NHEJ1: variants seen among roughly 807,000 people sequenced by gnomAD.
NHEJ1 encodes non-homologous end-joining factor 1.
A neutral mutation model predicts 39.4 loss-of-function variants in NHEJ1; 22 were observed. The ratio of observed to expected loss-of-function variants is 0.56; its 90% CI spans 0.40 to 0.80. The LOEUF is 0.80. Among genes scored for constraint, NHEJ1 ranks in the 30% least tolerant of loss-of-function variants. The pLI, the probability that NHEJ1 is intolerant of heterozygous loss-of-function variation, is 0.00. For synonymous variants in NHEJ1, 154 were observed against 135.6 expected, an observed-to-expected ratio of 1.14 and a Z score of -0.94; for missense variants, 329 against 357.1, an observed-to-expected ratio of 0.92 and a Z score of 0.63.
At chr2:219,136,279 T>A (rs1054812109) in intron 5 of NHEJ1, among the ~76,000 whole-genome samples, 2 of 137,596 alleles carry the variant, frequency 1.5e-5, no homozygotes, top group African/African-American at 5.4e-5. Context: ...GTATTCCCAC[T>A]TGGTTTCTTT....
In NHEJ1 at chr2:219,114,353, T is replaced by C. The variant is rs1312627951; in HGVS notation, c.588+32327A>G. On this transcript the variant is annotated intron_variant, in intron 5 of 7. Coordinates refer to ENST00000356853, the MANE Select transcript of NHEJ1 (RefSeq NM_024782.3). ...TGTTTGTTTCAGTGATCTCATAATC[T>C]CTCCTAGCCAAACTTGTATATCAAT... is the stretch of plus-strand genomic sequence containing the variant. Among the ~76,000 whole-genome samples the C allele has an allele frequency of 4.6e-5, 7 of 152,272 alleles. No homozygotes were observed. The East Asian group carries it at 1.4e-3, about 29-fold the overall frequency.
rs1211865700 is a variant in NHEJ1 at position 219,070,122 on chromosome 2, G to A, written c.*6259C>T. On this transcript the variant is annotated 3_prime_UTR_variant, in exon 8 of 8. Transcript: ENST00000356853. The stretch of plus-strand genomic sequence containing the variant: ...GCCACAAACTGCCTGTGTTCAATAA[G>A]CCCACAATCTGCCACAGCCTCCGGA... Among the ~76,000 whole-genome samples, 2 of 152,178 alleles carry A rather than the reference G, an allele frequency of 1.3e-5. No homozygotes were observed. The highest frequency in any genetic ancestry group is 2.9e-5 in the Non-Finnish European group (2 of 68,026).
intron 3 of NHEJ1, among the ~76,000 whole-genome samples, chr2:219,152,114 G>A (rs1949801930): frequency 2.6e-5 from 4 of 152,178 alleles, no homozygotes; most frequent in Admixed American, 1.3e-4. Flanking sequence ...CAGTTCATCA[G>A]TCAATTCAAC....
In NHEJ1 at chr2:219,097,701, T is replaced by C. The variant is rs548238666; in HGVS notation, c.589-19495A>G. 3.9e-5 allele frequency among the ~76,000 whole-genome samples: 6 copies of C among 152,116 alleles called. 1 individual carries two copies. The South Asian group carries it at 1.2e-3, about 32-fold the overall frequency. ...GGGGTTGGGGGTAGGGGAGAAGAAA[T>C]GAGAAGTTCAATATGAATATGTTGA... On this transcript the variant is annotated intron_variant, in intron 5 of 7. Coordinates refer to ENST00000356853, the MANE Select transcript of NHEJ1 (RefSeq NM_024782.3).
intron 6 of NHEJ1, among the ~76,000 whole-genome samples, chr2:219,077,845 G>A (rs1166534717): frequency 3.3e-5 from 5 of 152,020 alleles, no homozygotes; most frequent in South Asian, 2.1e-4. Context: ...CCACCCAATC[G>A]AACTTTCTGC....
chr2:219,127,023 G>A (rs905980315), intron 5 of NHEJ1, among the ~76,000 whole-genome samples: 1 of 152,182 alleles, frequency 6.6e-6, no homozygotes, highest in African/African-American at 2.4e-5. Context: ...AGTAGCAGAC[G>A]AAGCTGAAGA....
chr2:219,132,535 G>GAGCA (rs1161304830), intron 5 of NHEJ1, among the ~76,000 whole-genome samples: 7 of 152,114 alleles, frequency 4.6e-5, no homozygotes, highest in Non-Finnish European at 1.0e-4. Flanking sequence ...GATTCTAAGA[G>GAGCA]AGCAATCCAT....
chr2:219,093,308 G>A (rs144158047), intron 5 of NHEJ1, among the ~76,000 whole-genome samples: 172 of 152,246 alleles, frequency 1.1e-3, no homozygotes, highest in African/African-American at 3.9e-3. Flanking sequence ...CAGAGGAAAC[G>A]GAGCAGGATG....
chr2:219,132,173 T>C (rs1010046331), intron 5 of NHEJ1, among the ~76,000 whole-genome samples: 6 of 152,260 alleles, frequency 3.9e-5, no homozygotes, highest in Admixed American at 6.5e-5. Context: ...GCCCAGGCCC[T>C]TGAGATTTGT....
chr2:219,132,103 C>G (rs181316718), intron 5 of NHEJ1, among the ~76,000 whole-genome samples: 1 of 152,190 alleles, frequency 6.6e-6, no homozygotes, highest in Non-Finnish European at 1.5e-5. Context: ...CTTCAAAATT[C>G]CGTGGCTCTA....
intron 5 of NHEJ1, among the ~76,000 whole-genome samples, chr2:219,132,070 A>G (rs1056902029): frequency 6.6e-6 from 1 of 152,254 alleles, no homozygotes; most frequent in Non-Finnish European, 1.5e-5. Context: ...GTGGCTTGAT[A>G]TAGCCTTAGA....
At chr2:219,097,904 G>A (rs763017702) in intron 5 of NHEJ1, among the ~76,000 whole-genome samples, 13 of 152,162 alleles carry the variant, frequency 8.5e-5, no homozygotes, top group Non-Finnish European at 1.9e-4. Flanking sequence ...GAGGGCCAAC[G>A]ACTGAGCCTT....
chr2:219,084,672 G>A (rs1257716274), intron 5 of NHEJ1, among the ~76,000 whole-genome samples: 1 of 152,162 alleles, frequency 6.6e-6, no homozygotes, highest in African/African-American at 2.4e-5. Flanking sequence ...ACTTTGATGA[G>A]GCTGATGGAA....
chr2:219,137,739 T>C (rs1949649309), intron 5 of NHEJ1, among the ~76,000 whole-genome samples: 1 of 152,164 alleles, frequency 6.6e-6, no homozygotes, highest in South Asian at 2.1e-4. Flanking sequence ...TTTCCATCCT[T>C]TGCCCAAGTG....
At chr2:219,147,275 TTC>T (rs1949749944) in intron 4 of NHEJ1, among the ~76,000 whole-genome samples, 1 of 152,056 alleles carries the variant, frequency 6.6e-6, no homozygotes, top group Non-Finnish European at 1.5e-5. Flanking sequence ...AGGTCAGGAG[TTC>T]GAGACCAGCC....
intron 3 of NHEJ1, among the ~76,000 whole-genome samples, chr2:219,149,337 T>A (rs1478861540): frequency 1.3e-5 from 2 of 152,056 alleles, no homozygotes; most frequent in Admixed American, 6.6e-5. Context: ...TCAAAAAAAA[T>A]AACTAGGCCG....
Position 219,077,288 on chromosome 2 carries a change from G to A in NHEJ1, c.783C>T (p.Val261=). 2 of 1,614,096 alleles carry A rather than the reference G, an allele frequency of 1.2e-6. No homozygotes were observed. The highest frequency in any genetic ancestry group is 2.2e-5 in the South Asian group (2 of 91,070). ...GTGCTGAGAGGGTTGGGGCTGAGGA[G>A]ACCAGTTGTTCTGGCTGGTTTACAC... The part of the protein sequence containing the change: ...SQCVNQPEQL[V]SSAPTLSAPE... Residue 261 remains valine (V), a synonymous_variant, in exon 7 of 8, where the codon GTC becomes GTT. Coordinates refer to ENST00000356853, the MANE Select transcript of NHEJ1 (RefSeq NM_024782.3).
At chr2:219,123,623 G>A (rs553583359) in intron 5 of NHEJ1, among the ~76,000 whole-genome samples, 2 of 152,284 alleles carry the variant, frequency 1.3e-5, no homozygotes, top group East Asian at 3.9e-4. Context: ...GCAGTGGCTG[G>A]AATTAATGCT....
At chr2:219,120,848 C>T (rs957678490) in intron 5 of NHEJ1, among the ~76,000 whole-genome samples, 1 of 152,092 alleles carries the variant, frequency 6.6e-6, no homozygotes, top group Non-Finnish European at 1.5e-5. Context: ...CTCCTAACCT[C>T]GTCCTCTAAT....
Sources: allele counts gnomAD v4.1 joint callset (sites outside exome capture counted in the v4.1 genomes callset), GRCh38; gene constraint gnomAD v4.1.1; transcripts MANE v1.5; gene names NCBI Gene and HGNC (gene_info 2026-07-23, HGNC 2026-07-21).